The following TSHZ1 variants were observed in gnomAD, a reference collection of about 807,000 sequenced individuals.
TSHZ1 encodes the protein teashirt homolog 1.
In TSHZ1, 12 loss-of-function variants were observed where a neutral mutation model predicts 67.1. The observed-to-expected ratio is 0.18, with a 90% CI of 0.11 to 0.29. TSHZ1 has a LOEUF of 0.29. Ranked by LOEUF, TSHZ1 falls within the 10% of genes least tolerant of loss-of-function variation. The pLI, the probability that TSHZ1 is intolerant of heterozygous loss-of-function variation, is 1.00. For synonymous variants in TSHZ1, 632 were observed against 622.4 expected, an observed-to-expected ratio of 1.02 and a Z score of -0.23; for missense variants, 1,305 against 1,413.9, an observed-to-expected ratio of 0.92 and a Z score of 1.23.
At position 75,233,739 on chromosome 18, in the gene TSHZ1, G is replaced by A. The variant is rs146026354; in HGVS notation, c.40+21823G>A. Among the ~76,000 whole-genome samples, 198 of 152,184 alleles carry A rather than the reference G, an allele frequency of 1.3e-3. 1 individual carries two copies. Among genetic ancestry groups the A allele is most frequent in the African/African-American group, 4.4e-3 (183 of 41,514 alleles). On this transcript the variant is annotated intron_variant, in intron 1 of 1. Transcript: ENST00000580243. Reference sequence around the variant, plus strand: ...GGCCTTCCTTTTTGAGGAGTGACGTGGGGCTTCCTCACACTTTTCACTTGG... The same window carrying A: ...GGCCTTCCTTTTTGAGGAGTGACGTAGGGCTTCCTCACACTTTTCACTTGG...
chr18:75,213,725 G>A (rs1019476942), intron 1 of TSHZ1, among the ~76,000 whole-genome samples: 2 of 151,982 alleles, frequency 1.3e-5, no homozygotes, highest in African/African-American at 2.4e-5. Flanking sequence ...CCGTCAAGGC[G>A]ACTTTTTTCC....
At chr18:75,251,054 A>G (rs2023297293) in intron 1 of TSHZ1, among the ~76,000 whole-genome samples, 1 of 152,230 alleles carries the variant, frequency 6.6e-6, no homozygotes, top group South Asian at 2.1e-4. Flanking sequence ...TCTTTTAAAA[A>G]ATTACTTTGC....
chr18:75,283,721 T>C (rs565183356), intron 1 of TSHZ1: 38 of 152,334 alleles, frequency 2.5e-4, no homozygotes, highest in Non-Finnish European at 4.4e-4. Flanking sequence ...TGTGTGTGTG[T>C]GTGCGTGTGC....
Position 75,288,676 on chromosome 18 carries a change from C to A in TSHZ1, c.*35C>A, listed in dbSNP as rs771099939. On this transcript the variant is annotated 3_prime_UTR_variant, in exon 2 of 2. Coordinates refer to ENST00000580243, the MANE Select transcript of TSHZ1 (RefSeq NM_001308210.2). This position sits in a 1 kb window ranked among gnomAD's most constrained non-coding sequence, Gnocchi z 4.9. ...ATGCAAGAGACCGCGGAACATTGCA[C>A]TAAACGTCGTCGAGCTGCACTAGGC... 6.5e-7 allele frequency: 1 copy of A among 1,536,672 alleles called. No individual in the cohort carries two copies.
At chr18:75,217,006 T>G (rs1392529029) in intron 1 of TSHZ1, among the ~76,000 whole-genome samples, 1 of 152,236 alleles carries the variant, frequency 6.6e-6, no homozygotes, top group East Asian at 1.9e-4. Flanking sequence ...TAGTAAATGC[T>G]ATCAACAGAA....
intron 1 of TSHZ1, among the ~76,000 whole-genome samples, chr18:75,250,320 C>T (rs962690335): frequency 2.0e-5 from 3 of 152,170 alleles, no homozygotes; most frequent in East Asian, 3.9e-4. Context: ...ACACCCTCGC[C>T]CCACTTGCCC....
chr18:75,210,893 T>C lies in TSHZ1; in HGVS notation c.-984T>C, dbSNP rs2022667679. 1 of 85,646 alleles carries C rather than the reference T, an allele frequency of 1.2e-5. No homozygotes were observed. 5.3% of individuals were successfully genotyped at this position (85,646 alleles called of 1,614,324 possible). A position where few individuals can be genotyped will look rare whatever the true frequency, so the allele number is the denominator to read the frequency against. On this transcript the variant is annotated 5_prime_UTR_variant, in exon 1 of 2. Coordinates refer to ENST00000580243, the MANE Select transcript of TSHZ1 (RefSeq NM_001308210.2). ...GTGCATCTCCCTCTCTCCCAGGAGT[T>C]TGAGGGGGGGGGGGACAGTCCACGC... is the stretch of plus-strand genomic sequence containing the variant.
intron 1 of TSHZ1, among the ~76,000 whole-genome samples, chr18:75,276,762 A>G (rs1297275081): frequency 1.3e-5 from 2 of 152,226 alleles, no homozygotes; most frequent in South Asian, 2.1e-4. Context: ...GTAAGATTAT[A>G]TAGTTTCACC....
intron 1 of TSHZ1, among the ~76,000 whole-genome samples, chr18:75,260,044 T>G (rs1422909479): frequency 6.6e-6 from 1 of 152,162 alleles, no homozygotes; most frequent in Non-Finnish European, 1.5e-5. Flanking sequence ...CTGTGCTTCA[T>G]AGCAGCTATC....
intron 1 of TSHZ1, among the ~76,000 whole-genome samples, chr18:75,264,708 A>G (rs2023470248): frequency 6.7e-6 from 1 of 149,826 alleles, no homozygotes; most frequent in Non-Finnish European, 1.5e-5. Context: ...CTGTGTAGAT[A>G]CGGGATTATG....
At chr18:75,228,703 T>C (rs1208822658) in intron 1 of TSHZ1, among the ~76,000 whole-genome samples, 1 of 152,134 alleles carries the variant, frequency 6.6e-6, no homozygotes, top group Admixed American at 6.6e-5. Context: ...CAGTAGGGAG[T>C]TGGTTCTAAG....
chr18:75,219,350 C>G (rs1434615034), intron 1 of TSHZ1, among the ~76,000 whole-genome samples: 4 of 152,130 alleles, frequency 2.6e-5, no homozygotes, highest in Non-Finnish European at 4.4e-5. Flanking sequence ...ATTTTTCACC[C>G]AGGAAGGTAT....
intron 1 of TSHZ1, among the ~76,000 whole-genome samples, chr18:75,236,524 T>C (rs977585050): frequency 2.6e-5 from 4 of 152,202 alleles, no homozygotes; most frequent in Admixed American, 1.3e-4. Flanking sequence ...TCTTCTGTTT[T>C]CAGTGTACCC....
chr18:75,273,493 A>G (rs1320600077), intron 1 of TSHZ1, among the ~76,000 whole-genome samples: 2 of 152,264 alleles, frequency 1.3e-5, no homozygotes, highest in East Asian at 1.9e-4. Flanking sequence ...AGAAACAAAG[A>G]TGTTTTAAAC....
At position 75,211,003 on chromosome 18, in the gene TSHZ1, A is replaced by G. The variant is rs372174307; in HGVS notation, c.-874A>G. The G allele has an allele frequency of 0.016, 2,233 of 136,824 alleles. 56 individuals carry two copies. Among genetic ancestry groups the G allele is most frequent in the African/African-American group, 0.055 (1,892 of 34,396 alleles). The allele number at this position is 136,824 out of a possible 1,614,324, so 8.5% of individuals were successfully genotyped here. ...TGTTGTTGCCTTTTTTTTTTCTTGG[A>G]GGGGGGGGTGCTTTTTGTGTATTTT... On this transcript the variant is annotated 5_prime_UTR_variant, in exon 1 of 2. Coordinates refer to ENST00000580243, the MANE Select transcript of TSHZ1 (RefSeq NM_001308210.2).
chr18:75,263,562 A>G (rs572858804), intron 1 of TSHZ1, among the ~76,000 whole-genome samples: 1 of 152,314 alleles, frequency 6.6e-6, no homozygotes, highest in East Asian at 1.9e-4. Context: ...TGCTTTAGTG[A>G]TGGTGCCAAG....
intron 1 of TSHZ1, among the ~76,000 whole-genome samples, chr18:75,231,154 G>A (rs537262390): frequency 2.6e-5 from 4 of 152,298 alleles, no homozygotes; most frequent in East Asian, 1.9e-4. Flanking sequence ...CTGGGCACAC[G>A]AGGCGCTGTA....
rs553197127 is a variant in TSHZ1, at chr18:75,281,019, G to A, written c.41-4429G>A. 5.2e-4 allele frequency among the ~76,000 whole-genome samples: 79 copies of A among 152,334 alleles called. No individual in the cohort carries two copies. Among genetic ancestry groups the A allele is most frequent in the African/African-American group, 1.8e-3 (76 of 41,578 alleles). On this transcript the variant is annotated intron_variant, in intron 1 of 1. Transcript: ENST00000580243. The surrounding 1 kb of genome is among the most constrained non-coding windows in gnomAD (Gnocchi z 5.3). ...GCCTGGGACCAGATAGATAGAGCGGGCTGGGCACAGAGGGCTGGGCACAGG... is the reference window on the plus strand; with the variant it reads ...GCCTGGGACCAGATAGATAGAGCGGACTGGGCACAGAGGGCTGGGCACAGG...
Position 75,281,998 on chromosome 18 carries a change from C to T in TSHZ1, c.41-3450C>T, listed in dbSNP as rs2023693086. Among the ~76,000 whole-genome samples, 1 of 152,128 alleles carries T rather than the reference C, an allele frequency of 6.6e-6. No homozygotes were observed. The highest frequency in any genetic ancestry group is 2.1e-4 in the South Asian group (1 of 4,824). ...GTCCCTAGGGCAGGGACTTTATGGA[C>T]CCCCTCCTTCGACGTCCGCACTCCC... On this transcript the variant is annotated intron_variant, in intron 1 of 1. Transcript: ENST00000580243. The surrounding 1 kb of genome is among the most constrained non-coding windows in gnomAD (Gnocchi z 5.3).
Sources: gnomAD v4.1 joint callset for allele counts (sites outside exome capture counted in the v4.1 genomes callset) on GRCh38, gnomAD v4.1.1 for gene constraint, Gnocchi (gnomAD v3.1) non-coding constraint, MANE v1.5 for transcripts, NCBI Gene and HGNC (gene_info 2026-07-23, HGNC 2026-07-21) for gene names.